Variants in DNAH9 observed in about 807,000 individuals in gnomAD.
DNAH9 encodes the protein dynein axonemal heavy chain 9.
A neutral mutation model predicts 471.6 loss-of-function variants in DNAH9; 345 were observed. The observed-to-expected ratio is 0.73, with a 90% CI of 0.67 to 0.80. The LOEUF (loss-of-function observed/expected upper bound fraction) is 0.80, where lower values mean the gene tolerates loss of function less well. DNAH9 is among the 30% of genes least tolerant of loss of function. The pLI is 0.00. For missense variants in DNAH9, 5,407 were observed against 5,609.2 expected, an observed-to-expected ratio of 0.96 and a Z score of 1.15; for synonymous variants, 2,093 against 2,123.6, an observed-to-expected ratio of 0.99 and a Z score of 0.40.
chr17:11,789,205 A>G (rs4791476), intron 41 of DNAH9, among the ~76,000 whole-genome samples: 79,223 of 151,770 alleles, frequency 0.52, 20,889 homozygotes, highest in Non-Finnish European at 0.54. Context: ...CTAAGGTTAT[A>G]AAGTCCTCAT....
intron 22 of DNAH9, 105 bp from the exon 23 acceptor site, chr17:11,699,626 A>G (rs2074555709): frequency 1.0e-6 from 1 of 977,888 alleles, no homozygotes; most frequent in Admixed American, 1.9e-5. Flanking sequence ...GGTATCCACC[A>G]CTCTGTCTTT....
At chr17:11,955,390 A>C (rs1975587076) in intron 67 of DNAH9, among the ~76,000 whole-genome samples, 1 of 152,250 alleles carries the variant, frequency 6.6e-6, no homozygotes, top group South Asian at 2.1e-4. Flanking sequence ...AAAATAAATA[A>C]ATAATCTACA....
intron 49 of DNAH9, among the ~76,000 whole-genome samples, chr17:11,843,857 GTGTGTGTA>G (rs931415769): frequency 2.1e-4 from 2 of 9,314 alleles, no homozygotes; most frequent in African/African-American, 5.7e-4. Context: ...GTGTGTGTGT[GTGTGTGTA>G]TATATATATA....
intron 43 of DNAH9, among the ~76,000 whole-genome samples, chr17:11,805,714 C>T (rs991101029): frequency 7.2e-5 from 11 of 151,810 alleles, no homozygotes; most frequent in Non-Finnish European, 1.5e-4. Context: ...ACCACCATGC[C>T]TGCTAATTTT....
At chr17:11,629,214 C>T (rs535217857) in intron 6 of DNAH9, among the ~76,000 whole-genome samples, 3 of 151,714 alleles carry the variant, frequency 2.0e-5, no homozygotes, top group Non-Finnish European at 4.4e-5. Flanking sequence ...TGTCATTTAG[C>T]ATTAGGTATA....
At chr17:11,695,605 G>A (rs760111959) in intron 22 of DNAH9, among the ~76,000 whole-genome samples, 2 of 152,198 alleles carry the variant, frequency 1.3e-5, no homozygotes, top group Non-Finnish European at 2.9e-5. Context: ...GAGTATTAAA[G>A]TAACTAATTG....
intron 26 of DNAH9, among the ~76,000 whole-genome samples, chr17:11,712,034 T>A (rs1480775332): frequency 3.8e-4 from 1 of 2,662 alleles, no homozygotes; most frequent in South Asian, 0.033. Flanking sequence ...ATATATATAT[T>A]TATATATATT....
chr17:11,704,254 T>C lies in DNAH9; in HGVS notation c.5203T>C (p.Phe1735Leu). The C allele has an allele frequency of 6.2e-7, 1 of 1,614,104 alleles. No homozygotes were observed. The highest frequency in any genetic ancestry group is 8.5e-7 in the Non-Finnish European group (1 of 1,179,968). Reference protein sequence around the residue: ...IWWTTEVGMAFARLEEGYESA... With the variant: ...IWWTTEVGMALARLEEGYESA... ...GTGGACAACAGAAGTGGGCATGGCA[T>C]TTGCCAGGCTGGAGGAAGGCTATGA... Residue 1735 changes from phenylalanine to leucine, a missense_variant, in exon 25 of 69, where the codon TTT becomes CTT. Physicochemically the swap from Phe to Leu is conservative, Grantham distance 22. This residue lies in a region of DNAH9 where 4,636 missense variants were observed against 4,900.3 expected (regional missense o/e 0.95). Transcript: ENST00000262442.
chr17:11,693,825 T>C (rs2074379737), intron 20 of DNAH9, 43 bp from the exon 21 acceptor site: 1 of 1,612,342 alleles, frequency 6.2e-7, no homozygotes, highest in Non-Finnish European at 8.5e-7. Flanking sequence ...TTCTAGGAAC[T>C]GAGTGGAGTG....
At chr17:11,857,406 A>T (rs1306552614) in intron 50 of DNAH9, among the ~76,000 whole-genome samples, 5 of 152,160 alleles carry the variant, frequency 3.3e-5, no homozygotes, top group Non-Finnish European at 7.4e-5. Flanking sequence ...CCCTGCTAAT[A>T]ACACAGGAGA....
chr17:11,763,761 G>A (rs899618478), intron 36 of DNAH9, 147 bp downstream of exon 36: 3 of 772,654 alleles, frequency 3.9e-6, no homozygotes, highest in Non-Finnish European at 6.2e-6. Context: ...CTATTACTCT[G>A]CTAAAGACAT....
intron 42 of DNAH9, among the ~76,000 whole-genome samples, chr17:11,794,028 T>G (rs1187618684): frequency 6.8e-6 from 1 of 146,594 alleles, no homozygotes; most frequent in African/African-American, 2.5e-5. Context: ...AACTGGAAAT[T>G]TTGAGCAATT....
chr17:11,668,272 G>A (rs554898125), intron 15 of DNAH9, among the ~76,000 whole-genome samples: 58 of 152,288 alleles, frequency 3.8e-4, no homozygotes, highest in African/African-American at 1.4e-3. Context: ...TCTGTACATC[G>A]TTGACAAGCC....
intron 48 of DNAH9, among the ~76,000 whole-genome samples, chr17:11,826,455 GTTTTTTTT>G (rs36037678): frequency 2.5e-5 from 2 of 78,970 alleles, no homozygotes; most frequent in Non-Finnish European, 4.6e-5. Flanking sequence ...CTTTTTCTTG[GTTTTTTTT>G]TTTTTTTTTT....
intron 67 of DNAH9, among the ~76,000 whole-genome samples, chr17:11,945,724 AAGTG>A (rs1483288376): frequency 2.0e-5 from 3 of 151,592 alleles, no homozygotes; most frequent in Admixed American, 6.6e-5. Flanking sequence ...AGTGCACTAA[AAGTG>A]AGAATTGCAC....
chr17:11,961,456 ATAGATC>A (rs1364390915), intron 67 of DNAH9, among the ~76,000 whole-genome samples: 37 of 152,340 alleles, frequency 2.4e-4, no homozygotes, highest in African/African-American at 8.7e-4. Flanking sequence ...TTGGGGGAAT[ATAGATC>A]TTTGTAGGCG....
intron 49 of DNAH9, 51 bp downstream of exon 49, chr17:11,834,949 C>T (rs1176530124): frequency 6.3e-7 from 1 of 1,583,194 alleles, no homozygotes; most frequent in Non-Finnish European, 8.6e-7. Flanking sequence ...CTGGTAGACG[C>T]AGAGACCACC....
chr17:11,732,411 A>G (rs374996205), intron 28 of DNAH9, among the ~76,000 whole-genome samples: 1 of 152,036 alleles, frequency 6.6e-6, no homozygotes, highest in African/African-American at 2.4e-5. Context: ...TCACACGGCA[A>G]TCCAGGCTGG....
intron 54 of DNAH9, 110 bp downstream of exon 54, chr17:11,880,310 A>C: frequency 1.4e-6 from 2 of 1,384,816 alleles, no homozygotes; most frequent in Non-Finnish European, 2.0e-6. Context: ...AGTTCATGTC[A>C]AGTAGCTCCC....
Sources: gnomAD v4.1 joint callset for allele counts (sites outside exome capture counted in the v4.1 genomes callset) on GRCh38, gnomAD v4.1.1 for gene constraint, gnomAD v4.1.1 regional missense constraint, MANE v1.5 for transcripts, NCBI Gene and HGNC (gene_info 2026-07-23, HGNC 2026-07-21) for gene names.